KLHL1: variants seen among roughly 807,000 people sequenced by gnomAD.
The protein encoded by KLHL1 is kelch like family member 1.
Under a neutral mutation model 77.7 loss-of-function variants are expected in KLHL1, and 47 were observed. That is an observed-to-expected ratio of 0.60 (90% CI 0.48 to 0.77). The LOEUF is 0.77. KLHL1 is among the 30% of genes least tolerant of loss of function. The probability of loss-of-function intolerance (pLI) is 0.00; values close to 1 mark genes in which losing one functional copy is unlikely to be tolerated. For missense variants in KLHL1, 925 were observed against 910.8 expected, an observed-to-expected ratio of 1.02 and a Z score of -0.20; for synonymous variants, 360 against 325.2, an observed-to-expected ratio of 1.11 and a Z score of -1.15.
intron 4 of KLHL1, among the ~76,000 whole-genome samples, chr13:69,900,800 C>T (rs1881828192): frequency 6.6e-6 from 1 of 152,206 alleles, no homozygotes. Context: ...TCCACATGGC[C>T]TGTTTAGAAG....
intron 4 of KLHL1, among the ~76,000 whole-genome samples, chr13:69,885,031 C>T (rs1881156341): frequency 7.5e-6 from 1 of 133,998 alleles, no homozygotes; most frequent in South Asian, 2.1e-4. Context: ...AGCTCCGCTT[C>T]CCGGGTTCAC....
At chr13:70,083,072 T>C (rs1593729612) in intron 1 of KLHL1, among the ~76,000 whole-genome samples, 1 of 152,042 alleles carries the variant, frequency 6.6e-6, no homozygotes, top group African/African-American at 2.4e-5. Flanking sequence ...TCTCTAACAA[T>C]AGACTCCTCA....
chr13:69,917,875 T>C (rs1169263992), intron 4 of KLHL1, among the ~76,000 whole-genome samples: 1 of 151,648 alleles, frequency 6.6e-6, no homozygotes, highest in Non-Finnish European at 1.5e-5. Context: ...AGTTTGCTGA[T>C]AGCTTTGTCT....
chr13:70,022,070 T>C (rs2325263), intron 1 of KLHL1, among the ~76,000 whole-genome samples: 127,884 of 151,804 alleles, frequency 0.84, 54,195 homozygotes, highest in East Asian at 0.92. Context: ...AAAGTCACTT[T>C]GATTTTCTCC....
intron 6 of KLHL1, among the ~76,000 whole-genome samples, chr13:69,824,643 T>C (rs1878472206): frequency 1.3e-5 from 2 of 150,470 alleles, no homozygotes. Context: ...AAATCTTAGA[T>C]AAAAGACTAC....
chr13:69,936,446 A>C (rs984030781), intron 4 of KLHL1, among the ~76,000 whole-genome samples: 2 of 151,894 alleles, frequency 1.3e-5, no homozygotes, highest in African/African-American at 4.8e-5. Context: ...AAAATTAGCC[A>C]GGTGTGGTGA....
At position 70,096,902 on chromosome 13, in the gene KLHL1, T is replaced by C. The variant is rs190678116; in HGVS notation, c.497+10301A>G. On this transcript the variant is annotated intron_variant, in intron 1 of 10. Transcript: ENST00000377844. ...GAAGAAATCGCCAACAGAAGGCTCC[T>C]AGAAAGAACATCAAGAGTATAATCT... 3.9e-5 allele frequency among the ~76,000 whole-genome samples: 6 copies of C among 152,080 alleles called. No individual in the cohort carries two copies. In the East Asian group the frequency reaches 1.2e-3, roughly 29 times the overall value.
chr13:69,980,007 G>A (rs995526446), intron 1 of KLHL1, among the ~76,000 whole-genome samples: 1 of 152,102 alleles, frequency 6.6e-6, no homozygotes, highest in Non-Finnish European at 1.5e-5. Flanking sequence ...AACTACTCTT[G>A]ACAAGGACAT....
chr13:69,931,420 TC>T (rs958092479), intron 4 of KLHL1, among the ~76,000 whole-genome samples: 1 of 151,804 alleles, frequency 6.6e-6, no homozygotes, highest in African/African-American at 2.4e-5. Context: ...ATTAACTTTG[TC>T]TTGCATAAAA....
chr13:69,807,574 C>T (rs1435246490), intron 6 of KLHL1, among the ~76,000 whole-genome samples: 2 of 152,150 alleles, frequency 1.3e-5, no homozygotes, highest in East Asian at 3.9e-4. Flanking sequence ...GCCCCACTCT[C>T]TCCAATTATA....
chr13:69,935,207 T>TACTGGTGAACGTGGTACATAGTTCACCC lies in KLHL1; in HGVS notation c.1014+4832_1014+4833insGGGTGAACTATGTACCACGTTCACCAGT, dbSNP rs1883142159. Among the ~76,000 whole-genome samples, 5 of 118,472 alleles carry TACTGGTGAACGTGGTACATAGTTCACCC rather than the reference T, an allele frequency of 4.2e-5. No individual in the cohort carries two copies. The East Asian group carries it at 1.5e-3, about 36-fold the overall frequency. The allele number at this position is 118,472 out of a possible 152,430, so 77.7% of individuals were successfully genotyped here. A position where few individuals can be genotyped will look rare whatever the true frequency, so the allele number is the denominator to read the frequency against. ...ACTGGTGAACGTGGTACATAGTTGGTACTGGTGAACTTGGTACATAGTTCA... is the reference window on the plus strand; with the variant it reads ...ACTGGTGAACGTGGTACATAGTTGGTACTGGTGAACGTGGTACATAGTTCACCCACTGGTGAACTTGGTACATAGTTCA... On this transcript the variant is annotated intron_variant, in intron 4 of 10. Coordinates refer to ENST00000377844, the MANE Select transcript of KLHL1 (RefSeq NM_020866.3).
chr13:69,855,559 C>A (rs575057517), intron 5 of KLHL1, among the ~76,000 whole-genome samples: 2 of 151,404 alleles, frequency 1.3e-5, no homozygotes, highest in African/African-American at 2.4e-5. Flanking sequence ...ATCTTGGGGG[C>A]GGTTTTTCTG....
chr13:69,830,465 C>G (rs1344016207), intron 6 of KLHL1, among the ~76,000 whole-genome samples: 1 of 149,952 alleles, frequency 6.7e-6, no homozygotes, highest in Non-Finnish European at 1.5e-5. Context: ...ACTACTAGAC[C>G]TAAGAAATGA....
intron 1 of KLHL1, among the ~76,000 whole-genome samples, chr13:70,064,801 T>C (rs74787215): frequency 0.018 from 2,711 of 152,254 alleles, 82 homozygotes; most frequent in African/African-American, 0.06. Context: ...TGAGAGAAAC[T>C]GAATACTAGA....
chr13:70,046,439 C>T (rs1236923925), intron 1 of KLHL1, among the ~76,000 whole-genome samples: 2 of 151,910 alleles, frequency 1.3e-5, no homozygotes, highest in Non-Finnish European at 2.9e-5. Context: ...GACTTGGACC[C>T]AGGTTCATCT....
intron 1 of KLHL1, among the ~76,000 whole-genome samples, chr13:70,057,213 A>G (rs1886763081): frequency 6.6e-6 from 1 of 152,052 alleles, no homozygotes; most frequent in Non-Finnish European, 1.5e-5. Flanking sequence ...GACCCATACA[A>G]CTTACCAAGA....
At chr13:70,088,333 T>C (rs569244899) in intron 1 of KLHL1, among the ~76,000 whole-genome samples, 24 of 152,126 alleles carry the variant, frequency 1.6e-4, no homozygotes, top group Admixed American at 2.6e-4. Flanking sequence ...TCCTTCCTCA[T>C]AGGAGAGCTT....
chr13:70,039,056 A>ATT (rs35184766), intron 1 of KLHL1, among the ~76,000 whole-genome samples: 1,495 of 124,664 alleles, frequency 0.012, 26 homozygotes, highest in African/African-American at 0.027. Flanking sequence ...TCCTTTGCAC[A>ATT]TTTTTTTTTT....
intron 1 of KLHL1, among the ~76,000 whole-genome samples, chr13:70,029,435 TG>T (rs766570381): frequency 6.6e-6 from 1 of 152,042 alleles, no homozygotes; most frequent in Non-Finnish European, 1.5e-5. Context: ...CAGAAAAGAG[TG>T]GGGGCCAATA....
Sources: allele counts gnomAD v4.1 joint callset (sites outside exome capture counted in the v4.1 genomes callset), GRCh38; gene constraint gnomAD v4.1.1; transcripts MANE v1.5; gene names NCBI Gene and HGNC (gene_info 2026-07-23, HGNC 2026-07-21).